Variants in OPCML observed in about 807,000 individuals in gnomAD.
OPCML encodes opioid binding protein/cell adhesion molecule like.
Under a neutral mutation model 37.8 loss-of-function variants are expected in OPCML, and 13 were observed. That is an observed-to-expected ratio of 0.34 (90% CI 0.22 to 0.55). OPCML has a LOEUF of 0.55. Among genes scored for constraint, OPCML ranks in the 20% least tolerant of loss-of-function variants. OPCML has a pLI of 0.91. For synonymous variants in OPCML, 176 were observed against 168.8 expected (o/e 1.04, Z -0.33); for missense variants, 341 against 435.6 (o/e 0.78, Z 1.93).
intron 3 of OPCML, among the ~76,000 whole-genome samples, chr11:132,553,058 G>A (rs374051230): frequency 8.3e-4 from 126 of 152,162 alleles, no homozygotes; most frequent in African/African-American, 2.1e-3. Flanking sequence ...GCCACTACGC[G>A]CAGCCGAATT....
At chr11:133,406,800 C>T (rs1021027992) in intron 1 of OPCML, among the ~76,000 whole-genome samples, 1 of 152,180 alleles carries the variant, frequency 6.6e-6, no homozygotes, top group Non-Finnish European at 1.5e-5. Flanking sequence ...GCACAGTGAG[C>T]AGGCCATCCG....
intron 2 of OPCML, among the ~76,000 whole-genome samples, chr11:132,691,218 GTGAAT>G (rs1258193110): frequency 2.6e-5 from 4 of 152,204 alleles, no homozygotes; most frequent in African/African-American, 9.6e-5. Flanking sequence ...ATTTGACTAT[GTGAAT>G]TGTGAGTGAA....
At chr11:132,614,147 A>C (rs1333748930) in intron 3 of OPCML, among the ~76,000 whole-genome samples, 1 of 152,064 alleles carries the variant, frequency 6.6e-6, no homozygotes, top group Non-Finnish European at 1.5e-5. Context: ...GCCTTCTTCA[A>C]AAGACTCCCG....
rs144310882 is a variant in OPCML at position 132,611,816 on chromosome 11, G to A, written c.379+45271C>T. 5.8e-3 allele frequency among the ~76,000 whole-genome samples: 879 copies of A among 152,222 alleles called. 2 individuals carry two copies. Among genetic ancestry groups the A allele is most frequent in the South Asian group, 0.013 (65 of 4,826 alleles). ...AGGCAGTAGTAATAATTCAAGGCTG[G>A]AGCAACAGCTGTTCTAATCTGCCCA... is the stretch of plus-strand genomic sequence containing the variant. On this transcript the variant is annotated intron_variant, in intron 3 of 7. Transcript: ENST00000524381.
chr11:132,768,250 C>T (rs1257125023), intron 2 of OPCML, among the ~76,000 whole-genome samples: 1 of 152,182 alleles, frequency 6.6e-6, no homozygotes, highest in Non-Finnish European at 1.5e-5. Context: ...TACAGCTCCA[C>T]CCTGCCCAGT....
rs1264318583 is a variant in OPCML at position 133,484,156 on chromosome 11, ATAGATAGG to A, written c.61+48100_61+48107del. ...AGATAGATGATAGATGGATAGATAG[ATAGATAGG>A]TAGATAGATAGATAGATAGATAGAT... On this transcript the variant is annotated intron_variant, in intron 1 of 7. Coordinates refer to ENST00000524381, the MANE Select transcript of OPCML (RefSeq NM_001012393.5). Among the ~76,000 whole-genome samples, 999 of 148,806 alleles carry A rather than the reference ATAGATAGG, an allele frequency of 6.7e-3. 6 individuals are homozygous for A. Among genetic ancestry groups the A allele is most frequent in the African/African-American group, 0.022 (863 of 38,732 alleles).
chr11:132,719,128 G>T (rs1385720628), intron 2 of OPCML, among the ~76,000 whole-genome samples: 1 of 152,210 alleles, frequency 6.6e-6, no homozygotes, highest in East Asian at 1.9e-4. Flanking sequence ...TGACTGACAG[G>T]CACTGGCTCT....
intron 2 of OPCML, among the ~76,000 whole-genome samples, chr11:132,808,996 G>T (rs1209278433): frequency 6.6e-6 from 1 of 151,740 alleles, no homozygotes; most frequent in Non-Finnish European, 1.5e-5. Context: ...GGGCGGGGGG[G>T]TTGCTTTTTA....
intron 1 of OPCML, among the ~76,000 whole-genome samples, chr11:133,181,618 T>C (rs1043404929): frequency 4.6e-5 from 7 of 152,196 alleles, no homozygotes; most frequent in African/African-American, 1.7e-4. Context: ...TCTCAGCTAC[T>C]GACACTGTGC....
intron 1 of OPCML, among the ~76,000 whole-genome samples, chr11:133,163,191 T>C (rs553769335): frequency 6.6e-6 from 1 of 152,318 alleles, no homozygotes; most frequent in East Asian, 1.9e-4. Context: ...TTTCAGATGC[T>C]AGGCAAGCTG....
chr11:133,192,916 T>C (rs1288536135), intron 1 of OPCML, among the ~76,000 whole-genome samples: 2 of 151,850 alleles, frequency 1.3e-5, no homozygotes, highest in African/African-American at 4.8e-5. Flanking sequence ...GGCATTTGAA[T>C]TGAGGTTAAA....
At chr11:132,516,351 C>T (rs577511607) in intron 4 of OPCML, among the ~76,000 whole-genome samples, 1 of 152,296 alleles carries the variant, frequency 6.6e-6, no homozygotes, top group South Asian at 2.1e-4. Context: ...TTCCCCTTCA[C>T]TGTACAGACA....
intron 1 of OPCML, among the ~76,000 whole-genome samples, chr11:132,998,922 G>T (rs1946939243): frequency 6.6e-6 from 1 of 152,050 alleles, no homozygotes; most frequent in African/African-American, 2.4e-5. Context: ...CCCAGTTTAT[G>T]GTATTTTGTT....
At chr11:132,829,007 A>C (rs1027879113) in intron 2 of OPCML, among the ~76,000 whole-genome samples, 1 of 152,230 alleles carries the variant, frequency 6.6e-6, no homozygotes, top group Non-Finnish European at 1.5e-5. Flanking sequence ...TAACTTTCCC[A>C]ACACAGCAAG....
At chr11:133,016,063 G>T (rs929065629) in intron 1 of OPCML, among the ~76,000 whole-genome samples, 1 of 152,134 alleles carries the variant, frequency 6.6e-6, no homozygotes, top group East Asian at 1.9e-4. Flanking sequence ...TGTGAGATCC[G>T]AAAGGACAGG....
chr11:133,292,361 AG>A (rs1410301425), intron 1 of OPCML, among the ~76,000 whole-genome samples: 2 of 152,124 alleles, frequency 1.3e-5, no homozygotes, highest in African/African-American at 2.4e-5. Context: ...AAAATCTTCT[AG>A]GGGTTCAACA....
At position 132,995,366 on chromosome 11, in the gene OPCML, A is replaced by G. The variant is rs569362992; in HGVS notation, c.62-52356T>C. 5.3e-5 allele frequency among the ~76,000 whole-genome samples: 8 copies of G among 152,294 alleles called. No homozygotes were observed. In the East Asian group the frequency reaches 1.4e-3, roughly 26 times the overall value. On this transcript the variant is annotated intron_variant, in intron 1 of 7. Coordinates refer to ENST00000524381, the MANE Select transcript of OPCML (RefSeq NM_001012393.5). Reference sequence around the variant, plus strand: ...TAGTATTAGTAGTCATAGAAGGAGTAGTAGTGATAATAATAAAAGAGGATG... The same window carrying G: ...TAGTATTAGTAGTCATAGAAGGAGTGGTAGTGATAATAATAAAAGAGGATG...
chr11:133,357,270 G>C (rs1440716592), intron 1 of OPCML, among the ~76,000 whole-genome samples: 1 of 152,146 alleles, frequency 6.6e-6, no homozygotes, highest in Non-Finnish European at 1.5e-5. Context: ...GTTCAAACCT[G>C]ATTCTCCTTC....
intron 4 of OPCML, among the ~76,000 whole-genome samples, chr11:132,517,719 A>G (rs188176724): frequency 6.6e-6 from 1 of 152,190 alleles, no homozygotes; most frequent in Non-Finnish European, 1.5e-5. Flanking sequence ...GTGCCTTTCC[A>G]ATTGTAATTT....
Sources: gnomAD v4.1 joint callset for allele counts (sites outside exome capture counted in the v4.1 genomes callset) on GRCh38, gnomAD v4.1.1 for gene constraint, MANE v1.5 for transcripts, NCBI Gene and HGNC (gene_info 2026-07-23, HGNC 2026-07-21) for gene names.